Variants in NDUFAF6 observed in about 807,000 individuals in gnomAD.
NDUFAF6 encodes NADH dehydrogenase (ubiquinone) complex I, assembly factor 6.
A neutral mutation model predicts 40.8 loss-of-function variants in NDUFAF6; 45 were observed. The observed-to-expected ratio is 1.10, with a 90% CI of 0.87 to 1.42. NDUFAF6 has a LOEUF of 1.42. Among genes scored for constraint, NDUFAF6 ranks in the 40% most tolerant of loss-of-function variants. The probability of loss-of-function intolerance (pLI) is 0.00; values close to 1 mark genes in which losing one functional copy is unlikely to be tolerated. For missense variants in NDUFAF6, 435 were observed against 418.5 expected, an observed-to-expected ratio of 1.04 and a Z score of -0.34; for synonymous variants, 185 against 155.9, an observed-to-expected ratio of 1.19 and a Z score of -1.39.
chr8:95,051,257 T>A lies in NDUFAF6; in HGVS notation c.817-917T>A, dbSNP rs568717946. On this transcript the variant is annotated intron_variant, in intron 7 of 8. Transcript: ENST00000396124. ...GGTAAAAGGAGAAAGGGCCATTTAT[T>A]AGGAGGAAAGAGAAGGAAAGAATGT... is the stretch of plus-strand genomic sequence containing the variant. 3.3e-5 allele frequency among the ~76,000 whole-genome samples: 5 copies of A among 152,134 alleles called. No individual in the cohort carries two copies. In the South Asian group the frequency reaches 1.0e-3, roughly 32 times the overall value.
At chr8:95,082,208 G>A (rs1808893745) in intron 2 of NDUFAF6, among the ~76,000 whole-genome samples, 1 of 152,138 alleles carries the variant, frequency 6.6e-6, no homozygotes, top group Non-Finnish European at 1.5e-5. Context: ...TGGGTGCGGT[G>A]GCTTATGCCT....
chr8:95,069,416 CT>C (rs1832779771), intron 9 of NDUFAF6, among the ~76,000 whole-genome samples: 2 of 151,842 alleles, frequency 1.3e-5, no homozygotes, highest in Admixed American at 6.5e-5. Flanking sequence ...CTTATATGCA[CT>C]CGTATGATGG....
chr8:94,946,410 T>C (rs1354572469), intron 2 of NDUFAF6, among the ~76,000 whole-genome samples: 1 of 151,594 alleles, frequency 6.6e-6, no homozygotes, highest in Non-Finnish European at 1.5e-5. Context: ...ACTTAAAGAC[T>C]GGCTCTGAGG....
chr8:94,971,842 G>A (rs1234568940), intron 1 of NDUFAF6, among the ~76,000 whole-genome samples: 1 of 152,036 alleles, frequency 6.6e-6, no homozygotes, highest in Non-Finnish European at 1.5e-5. Context: ...GGAGGCTGAG[G>A]CAGGAGAATC....
intron 1 of NDUFAF6, among the ~76,000 whole-genome samples, chr8:94,961,987 A>G (rs1207825515): frequency 6.6e-6 from 1 of 152,094 alleles, no homozygotes; most frequent in Non-Finnish European, 1.5e-5. Flanking sequence ...GAATTTTCTC[A>G]TTCACACCCA....
upstream of NDUFAF6, among the ~76,000 whole-genome samples, chr8:94,956,932 A>G (rs546948183): frequency 7.2e-5 from 11 of 152,296 alleles, no homozygotes; most frequent in African/African-American, 2.6e-4. Context: ...GCACTTTGTT[A>G]GGCTGAGGTG....
At chr8:94,907,516 C>T (rs1030945822) in intron 1 of NDUFAF6, among the ~76,000 whole-genome samples, 1 of 152,162 alleles carries the variant, frequency 6.6e-6, no homozygotes, top group Non-Finnish European at 1.5e-5. Context: ...AAATCTAAAG[C>T]CATAACAGTT....
At chr8:95,085,659 C>T (rs2132056953) in intron 2 of NDUFAF6, 1 of 123,858 alleles carries the variant, frequency 8.1e-6, no homozygotes, top group Non-Finnish European at 1.6e-5. Context: ...TATGGTGAGA[C>T]CTCATTTCTA....
chr8:95,089,632 C>G (rs575364491), intron 2 of NDUFAF6, among the ~76,000 whole-genome samples: 1 of 152,182 alleles, frequency 6.6e-6, no homozygotes, highest in African/African-American at 2.4e-5. Flanking sequence ...GCCTCAAACC[C>G]AGTGAAACCC....
chr8:94,939,008 G>T (rs963210790), intron 1 of NDUFAF6, among the ~76,000 whole-genome samples: 5 of 152,160 alleles, frequency 3.3e-5, no homozygotes, highest in Non-Finnish European at 5.9e-5. Flanking sequence ...TGAATCAGAG[G>T]ACACTAGAGG....
intron 1 of NDUFAF6, among the ~76,000 whole-genome samples, chr8:94,936,167 C>G (rs1475589058): frequency 2.6e-5 from 4 of 152,170 alleles, no homozygotes; most frequent in African/African-American, 9.7e-5. Context: ...TGAAGCTACC[C>G]CTAGGATTGA....
intron 1 of NDUFAF6, among the ~76,000 whole-genome samples, chr8:94,975,620 A>G (rs538560397): frequency 3.3e-5 from 5 of 152,326 alleles, no homozygotes; most frequent in East Asian, 3.9e-4. Flanking sequence ...GGTTAGAGAA[A>G]GGGTGAGAGG....
chr8:94,991,911 A>C (rs925106342), intron 2 of NDUFAF6, among the ~76,000 whole-genome samples: 1 of 151,480 alleles, frequency 6.6e-6, no homozygotes, highest in Non-Finnish European at 1.5e-5. Context: ...AATATTTCCT[A>C]CAACAAATAA....
At chr8:95,046,929 G>C in intron 5 of NDUFAF6, 65 bp from the exon 6 acceptor site, 1 of 1,599,574 alleles carries the variant, frequency 6.3e-7, no homozygotes, top group African/African-American at 1.3e-5. Flanking sequence ...ATTTCTCTAT[G>C]CTATTTCTAT....
intron 2 of NDUFAF6, among the ~76,000 whole-genome samples, chr8:95,094,249 G>A (rs1288264627): frequency 6.6e-6 from 1 of 152,106 alleles, no homozygotes; most frequent in Admixed American, 6.5e-5. Flanking sequence ...TGGGATTATA[G>A]GCGTGAGCCA....
At chr8:94,994,543 A>T (rs991406305) in intron 2 of NDUFAF6, among the ~76,000 whole-genome samples, 16 of 152,136 alleles carry the variant, frequency 1.1e-4, no homozygotes, top group African/African-American at 3.9e-4. Flanking sequence ...GGAAAAAAAA[A>T]AAAAAGAAGA....
chr8:94,917,125 A>G lies in NDUFAF6; in HGVS notation c.-936+21198A>G, dbSNP rs917741456. On this transcript the variant is annotated intron_variant, in intron 1 of 14. Coordinates refer to the NDUFAF6 transcript ENST00000396113. Reference sequence around the variant, plus strand: ...GACTCCATCTCAAAAAAAAAAAAAAAAAAGAAAGAAAAAAGCCACAAATAA... The same window carrying G: ...GACTCCATCTCAAAAAAAAAAAAAAGAAAGAAAGAAAAAAGCCACAAATAA... 9.2e-5 allele frequency among the ~76,000 whole-genome samples: 14 copies of G among 151,820 alleles called. No homozygotes were observed. The East Asian group carries it at 9.6e-4, about 10-fold the overall frequency.
chr8:95,090,091 C>G (rs4540384), intron 2 of NDUFAF6, among the ~76,000 whole-genome samples: 2 of 151,900 alleles, frequency 1.3e-5, no homozygotes, highest in Non-Finnish European at 2.9e-5. Context: ...CAGCAGGTGT[C>G]TTTTCTTAAG....
chr8:95,108,413 T>G (rs986197446), downstream of NDUFAF6, among the ~76,000 whole-genome samples: 1 of 152,178 alleles, frequency 6.6e-6, no homozygotes, highest in African/African-American at 2.4e-5. Flanking sequence ...ATATTATGCA[T>G]GAGCCTCAAA....
Sources: allele counts gnomAD v4.1 joint callset (sites outside exome capture counted in the v4.1 genomes callset), GRCh38; gene constraint gnomAD v4.1.1; transcripts MANE v1.5; gene names NCBI Gene and HGNC (gene_info 2026-07-23, HGNC 2026-07-21).